CARS1: variants seen among roughly 807,000 people sequenced by gnomAD.
The protein encoded by CARS1 is cysteinyl-tRNA synthetase 1.
CARS1 carries 48 observed loss-of-function variants against 106.2 expected under a neutral mutation model. The observed-to-expected ratio is 0.45, with a 90% confidence interval of 0.36 to 0.57. The LOEUF is 0.57. Ranked by LOEUF, CARS1 falls within the 20% of genes least tolerant of loss-of-function variation. The pLI is 0.00. For synonymous variants in CARS1, 409 were observed against 403.4 expected (o/e 1.01, Z -0.17); for missense variants, 968 against 1,057.2 (o/e 0.92, Z 1.17).
chr11:3,032,218 A>C (rs1288713382), intron 7 of CARS1, among the ~76,000 whole-genome samples: 1 of 151,734 alleles, frequency 6.6e-6, no homozygotes, highest in African/African-American at 2.4e-5. Context: ...GATTACAGTC[A>C]CGTGACGCCA....
At position 3,030,642 on chromosome 11, in the gene CARS1, T is replaced by TG. The variant is rs1195888321; in HGVS notation, c.802-1200dup. 6.6e-6 allele frequency: 1 copy of TG among 152,150 alleles called. No individual in the cohort carries two copies. The highest frequency in any genetic ancestry group is 1.5e-5 in the Non-Finnish European group (1 of 68,034). 9.4% of individuals were successfully genotyped at this position (152,150 alleles called of 1,614,324 possible). A position where few individuals can be genotyped will look rare whatever the true frequency, so the allele number is the denominator to read the frequency against. On this transcript the variant is annotated intron_variant, in intron 7 of 22. Transcript: ENST00000380525. This position sits in a 1 kb window ranked among gnomAD's most constrained non-coding sequence, Gnocchi z 5.7. ...ACCCAAGAACATGAGCAACTGTGAA[T>TG]GGGAGTCAGCAGAAACGACAAACAG... is the stretch of plus-strand genomic sequence containing the variant.
chr11:3,042,938 A>G (rs1326460633), intron 2 of CARS1, among the ~76,000 whole-genome samples: 6 of 56,982 alleles, frequency 1.1e-4, no homozygotes, highest in Admixed American at 2.3e-4. Context: ...CACTTCGGAC[A>G]CTGCAGGAGT....
intron 19 of CARS1, 111 bp from the exon 20 acceptor site, chr11:3,005,544 A>G: frequency 1.4e-6 from 1 of 719,108 alleles, no homozygotes; most frequent in South Asian, 1.8e-5. Context: ...CTGCCCAGTC[A>G]GAGCGAGGGC....
chr11:3,031,972 G>A (rs1018695051), intron 7 of CARS1, among the ~76,000 whole-genome samples: 1 of 143,228 alleles, frequency 7.0e-6, no homozygotes, highest in African/African-American at 2.6e-5. Flanking sequence ...AGTGCACTCT[G>A]TTCTTTTCTT....
At chr11:3,007,064 A>T (rs530222286) in intron 18 of CARS1, 105 bp from the exon 19 acceptor site, 24 of 895,600 alleles carry the variant, frequency 2.7e-5, no homozygotes, top group Non-Finnish European at 4.0e-5. Context: ...CCCACAGAAC[A>T]AGTGCCTCCT....
At position 3,022,267 on chromosome 11, in the gene CARS1, C is replaced by A. The variant is rs145268474; in HGVS notation, c.1154-1935G>T. On this transcript the variant is annotated intron_variant, in intron 10 of 22. Coordinates refer to ENST00000380525, the MANE Select transcript of CARS1 (RefSeq NM_001014437.3). This position sits in a 1 kb window ranked among gnomAD's most constrained non-coding sequence, Gnocchi z 4.9. ...TAAGGTATTTTTTGGATCCTGAATTCCAGCAGGACAGCTGTTGCCAACTGG... is the reference window on the plus strand; with the variant it reads ...TAAGGTATTTTTTGGATCCTGAATTACAGCAGGACAGCTGTTGCCAACTGG... 3.5e-4 allele frequency among the ~76,000 whole-genome samples: 54 copies of A among 152,322 alleles called. No homozygotes were observed. Among genetic ancestry groups the A allele is most frequent in the Non-Finnish European group, 5.1e-4 (35 of 68,028 alleles).
Position 3,005,349 on chromosome 11 carries a change from A to G in CARS1, c.2217+17T>C, listed in dbSNP as rs761478985. ...TTTCAACAAATATCACGCTTAAGTCATTTTCACTTTACTCACCCGTCTCTT... is the reference window on the plus strand; with the variant it reads ...TTTCAACAAATATCACGCTTAAGTCGTTTTCACTTTACTCACCCGTCTCTT... On this transcript the variant is annotated intron_variant, in intron 20 of 22. Transcript: ENST00000380525. The G allele has an allele frequency of 8.8e-6, 14 of 1,587,938 alleles. No individual in the cohort carries two copies. The South Asian group carries it at 1.6e-4, about 18-fold the overall frequency.
chr11:3,015,895 G>A, intron 16 of CARS1, 46 bp from the exon 17 acceptor site: 1 of 1,501,744 alleles, frequency 6.7e-7, no homozygotes, highest in Non-Finnish European at 9.3e-7. Context: ...CAAGATGAAG[G>A]CGGCATGTGG....
chr11:3,054,263 T>C (rs557001285), intron 1 of CARS1, among the ~76,000 whole-genome samples: 5 of 152,256 alleles, frequency 3.3e-5, no homozygotes, highest in East Asian at 1.9e-4. Context: ...AAGAACAGCA[T>C]CTCCATCTTC....
chr11:3,031,968 C>A (rs1852824278), intron 7 of CARS1, among the ~76,000 whole-genome samples: 1 of 147,830 alleles, frequency 6.8e-6, no homozygotes, highest in Non-Finnish European at 1.5e-5. Flanking sequence ...TACCAGTGCA[C>A]TCTGTTCTTT....
Position 3,026,694 on chromosome 11 carries a change from C to T in CARS1, c.1135G>A (p.Ala379Thr), listed in dbSNP as rs1852113241. 2 of 1,613,870 alleles carry T rather than the reference C, an allele frequency of 1.2e-6. No individual in the cohort carries two copies. The highest frequency in any genetic ancestry group is 1.7e-6 in the Non-Finnish European group (2 of 1,179,984). ...LVPEAVGDQK[A>T]LQEGEGDLSI... The stretch of plus-strand genomic sequence containing the variant: ...TCCTCACCTTCCCCTTCTTGAAGGG[C>T]TTTCTGATCTCCAACGGCCTCAGGC... The change falls in exon 10 of 23, where the codon GCC becomes ACC. Residue 379 changes from alanine to threonine, a missense_variant. Physicochemically the swap from Ala to Thr is moderately conservative, Grantham distance 58 (BLOSUM62 0). Transcript: ENST00000380525.
At position 3,019,874 on chromosome 11, in the gene CARS1, C is replaced by T. The variant is rs755039004; in HGVS notation, c.1266+346G>A. Among the ~76,000 whole-genome samples the T allele has an allele frequency of 2.6e-5, 4 of 152,160 alleles. No individual in the cohort carries two copies. Among genetic ancestry groups the T allele is most frequent in the Non-Finnish European group, 5.9e-5 (4 of 68,018 alleles). ...TAGGGTACCCTGCAGTCAACAACTC[C>T]TGTCACCGGGAAGATCAGAACGCAT... On this transcript the variant is annotated intron_variant, in intron 11 of 22. Transcript: ENST00000380525. The surrounding 1 kb of genome is among the most constrained non-coding windows in gnomAD (Gnocchi z 6.2).
In CARS1 at chr11:3,042,242, C is replaced by T; in HGVS notation, c.289G>A (p.Val97Met). 1 of 1,612,530 alleles carries T rather than the reference C, an allele frequency of 6.2e-7. No individual in the cohort carries two copies. The highest frequency in any genetic ancestry group is 1.1e-5 in the South Asian group (1 of 91,056). ...GCAGGAGGGGACCACTGGGGCTGCA[C>T]ACGCCGGCCTTTGCCTGGGAGGCAG... Reference protein sequence around the residue: ...CRLQASKGRRVQPQWSPPAGT... With the variant: ...CRLQASKGRRMQPQWSPPAGT... The change falls in exon 3 of 23, where the codon GTG becomes ATG. Residue 97 changes from valine to methionine, a missense_variant. Coordinates refer to ENST00000380525, the MANE Select transcript of CARS1 (RefSeq NM_001014437.3).
At chr11:3,015,719 A>G in intron 17 of CARS1, 62 bp downstream of exon 17, 1 of 1,427,752 alleles carries the variant, frequency 7.0e-7, no homozygotes, top group South Asian at 1.1e-5. Context: ...TCAGAGGGAC[A>G]CAGAGGGGTA....
chr11:3,019,166 G>A lies in CARS1; in HGVS notation c.1368C>T (p.His456=), dbSNP rs756580672. The A allele has an allele frequency of 2.6e-6, 4 of 1,524,272 alleles. No individual in the cohort carries two copies. Among genetic ancestry groups the A allele is most frequent in the Non-Finnish European group, 3.5e-6 (4 of 1,139,774 alleles). 94.4% of individuals were successfully genotyped at this position (1,524,272 alleles called of 1,614,324 possible). ...CCGACTGTGCCAGCTCATTGTCATG[G>A]TGGGGGAACCGGAGGTCGAACCCAC... ...HGGGFDLRFP[H]HDNELAQSEA... The change falls in exon 12 of 23, where the codon CAC becomes CAT. Residue 456 remains histidine, a synonymous_variant. Transcript: ENST00000380525. This position sits in a 1 kb window ranked among gnomAD's most constrained non-coding sequence, Gnocchi z 6.2.
In CARS1 at chr11:3,018,515, TG is replaced by T; in HGVS notation, c.1526-5del. 1 of 1,613,494 alleles carries T rather than the reference TG, an allele frequency of 6.2e-7. No individual in the cohort carries two copies. The highest frequency in any genetic ancestry group is 8.5e-7 in the Non-Finnish European group (1 of 1,179,484). On this transcript the variant is annotated splice_region_variant and splice_polypyrimidine_tract_variant and intron_variant, in intron 13 of 22. Coordinates refer to ENST00000380525, the MANE Select transcript of CARS1 (RefSeq NM_001014437.3). ...AAGGCCAGCCGCAACTGCCGTGCTG[TG>T]GGGGGACACAAGACAGCCAACGCCC...
chr11:3,015,850 C>A lies in CARS1; in HGVS notation c.1918-1G>T. 6.2e-7 allele frequency: 1 copy of A among 1,613,990 alleles called. No homozygotes were observed. Among genetic ancestry groups the A allele is most frequent in the Non-Finnish European group, 8.5e-7 (1 of 1,179,904 alleles). ...TGTCCTCTTCTACGGCCCCAAAGAT[C>A]TAGGAAAAGAAACAGATGGGACCTG... On this transcript the variant is annotated splice_acceptor_variant, in intron 16 of 22. Coordinates refer to ENST00000380525, the MANE Select transcript of CARS1 (RefSeq NM_001014437.3). LOFTEE classifies it high-confidence loss of function.
Position 3,017,785 on chromosome 11 carries a change from G to C in CARS1, c.1727+72C>G. The C allele has an allele frequency of 1.0e-6, 1 of 993,652 alleles. No homozygotes were observed. The highest frequency in any genetic ancestry group is 1.3e-5 in the South Asian group (1 of 76,242). The allele number at this position is 993,652 out of a possible 1,614,324, so 61.6% of individuals were successfully genotyped here. A position where few individuals can be genotyped will look rare whatever the true frequency, so the allele number is the denominator to read the frequency against. ...CTTCCTCGACAGTCCAGGACACATGGTGGCCAAGATGCGAGGCTAGGCATA... is the reference window on the plus strand; with the variant it reads ...CTTCCTCGACAGTCCAGGACACATGCTGGCCAAGATGCGAGGCTAGGCATA... On this transcript the variant is annotated intron_variant, in intron 15 of 22. Transcript: ENST00000380525. The surrounding 1 kb of genome is among the most constrained non-coding windows in gnomAD (Gnocchi z 4.9).
At chr11:3,002,118 G>A (rs1379424793) in intron 21 of CARS1, 65 bp from the exon 22 acceptor site, 12 of 1,061,986 alleles carry the variant, frequency 1.1e-5, no homozygotes, top group Admixed American at 6.8e-5. Context: ...CACTGTGAAC[G>A]ACATCTGCTC....
Sources: allele counts gnomAD v4.1 joint callset (sites outside exome capture counted in the v4.1 genomes callset), GRCh38; gene constraint gnomAD v4.1.1; non-coding constraint Gnocchi (gnomAD v3.1); transcripts MANE v1.5; gene names NCBI Gene and HGNC (gene_info 2026-07-23, HGNC 2026-07-21).